KCNMA1: variants seen among roughly 807,000 people sequenced by gnomAD.
KCNMA1 encodes the protein potassium calcium-activated channel subfamily M alpha 1.
In KCNMA1, 29 loss-of-function variants were observed where a neutral mutation model predicts 140.0. That is an observed-to-expected ratio of 0.21 (90% CI 0.15 to 0.28). The LOEUF is 0.28. Among genes scored for constraint, KCNMA1 ranks in the 10% least tolerant of loss-of-function variants. The pLI is 1.00. For synonymous variants in KCNMA1, 612 were observed against 611.9 expected (o/e 1.00, Z 0.00); for missense variants, 880 against 1,602.2 (o/e 0.55, Z 7.70).
At chr10:77,346,026 G>A (rs192900727) in intron 2 of KCNMA1, among the ~76,000 whole-genome samples, 4 of 152,310 alleles carry the variant, frequency 2.6e-5, no homozygotes, top group Admixed American at 1.3e-4. Flanking sequence ...TGAAAGAGAT[G>A]CTTCCCAGGA....
chr10:77,423,450 C>A (rs983513874), intron 1 of KCNMA1, among the ~76,000 whole-genome samples: 1 of 152,150 alleles, frequency 6.6e-6, no homozygotes, highest in African/African-American at 2.4e-5. Flanking sequence ...ATATGCCTCT[C>A]CTTTTGGAAA....
intron 14 of KCNMA1, among the ~76,000 whole-genome samples, chr10:77,057,740 T>C (rs1472659379): frequency 1.3e-5 from 2 of 151,704 alleles, no homozygotes; most frequent in African/African-American, 4.8e-5. Flanking sequence ...TTAAAAACTA[T>C]ATAAAGAAGT....
At chr10:77,483,111 A>G (rs2098420593) in intron 1 of KCNMA1, among the ~76,000 whole-genome samples, 1 of 151,914 alleles carries the variant, frequency 6.6e-6, no homozygotes, top group Non-Finnish European at 1.5e-5. Context: ...CCCAGTCAAC[A>G]TCCAACCAAT....
intron 2 of KCNMA1, among the ~76,000 whole-genome samples, chr10:77,348,887 C>A (rs1342692009): frequency 1.3e-5 from 2 of 152,042 alleles, no homozygotes; most frequent in Non-Finnish European, 2.9e-5. Context: ...GAATTCCTCA[C>A]AAAAGCCACA....
intron 2 of KCNMA1, among the ~76,000 whole-genome samples, chr10:77,379,204 C>T (rs1241558233): frequency 1.3e-5 from 2 of 152,160 alleles, no homozygotes; most frequent in East Asian, 1.9e-4. Context: ...GAATTCTGAG[C>T]CTTTTTCCCA....
chr10:77,439,167 GAA>G, intron 1 of KCNMA1, among the ~76,000 whole-genome samples: 1 of 150,020 alleles, frequency 6.7e-6, no homozygotes, highest in South Asian at 2.1e-4. Context: ...GAGAAGAAAA[GAA>G]AAGAGAAGAG....
chr10:77,032,122 G>T (rs2093978147), intron 15 of KCNMA1, among the ~76,000 whole-genome samples: 1 of 152,122 alleles, frequency 6.6e-6, no homozygotes, highest in South Asian at 2.1e-4. Context: ...ATGCCAAGAT[G>T]CAAGTCCAAT....
At chr10:77,029,723 G>C (rs1395103195) in intron 15 of KCNMA1, among the ~76,000 whole-genome samples, 1 of 152,194 alleles carries the variant, frequency 6.6e-6, no homozygotes, top group Non-Finnish European at 1.5e-5. Context: ...AGCATGATGA[G>C]AAGATATGGG....
At chr10:77,494,878 C>T (rs139406268) in intron 1 of KCNMA1, among the ~76,000 whole-genome samples, 2 of 152,330 alleles carry the variant, frequency 1.3e-5, no homozygotes, top group African/African-American at 4.8e-5. Flanking sequence ...CTTGTCCTTC[C>T]TTGGCTTACA....
intron 14 of KCNMA1, among the ~76,000 whole-genome samples, chr10:77,053,934 G>T (rs918382900): frequency 6.6e-6 from 1 of 152,122 alleles, no homozygotes; most frequent in African/African-American, 2.4e-5. Context: ...AGGTCTTACA[G>T]CAAATCGCGT....
intron 1 of KCNMA1, among the ~76,000 whole-genome samples, chr10:77,545,020 GAA>G (rs964499454): frequency 3.3e-4 from 50 of 152,270 alleles, no homozygotes; most frequent in African/African-American, 1.1e-3. Context: ...AATGTACCGA[GAA>G]GAGAGCATAT....
chr10:77,543,287 A>G (rs1273945823), intron 1 of KCNMA1, among the ~76,000 whole-genome samples: 1 of 152,194 alleles, frequency 6.6e-6, no homozygotes, highest in African/African-American at 2.4e-5. Context: ...TAATGCTCCC[A>G]GGCATCAGAA....
rs530472858 is a variant in KCNMA1 at position 77,256,343 on chromosome 10, C to G, written c.541-5087G>C. ...GTGGCTACCACCAGAATCCAGTCAC[C>G]TGAGGAGCTTTCCTTCCAAAGCAGA... On this transcript the variant is annotated intron_variant, in intron 2 of 27. Coordinates refer to ENST00000286628, the MANE Select transcript of KCNMA1 (RefSeq NM_001161352.2). Among the ~76,000 whole-genome samples the G allele has an allele frequency of 2.0e-5, 3 of 152,290 alleles. No individual in the cohort carries two copies. The South Asian group carries it at 6.2e-4, about 32-fold the overall frequency.
chr10:77,555,543 C>G (rs1241331796), intron 1 of KCNMA1, among the ~76,000 whole-genome samples: 1 of 152,166 alleles, frequency 6.6e-6, no homozygotes, highest in East Asian at 1.9e-4. Flanking sequence ...CTTGAAAACA[C>G]AGTTGTAAAA....
At position 77,215,945 on chromosome 10, in the gene KCNMA1, C is replaced by T. The variant is rs75528902; in HGVS notation, c.603-31029G>A. Among the ~76,000 whole-genome samples, 737 of 151,738 alleles carry T rather than the reference C, an allele frequency of 4.9e-3. 1 individual carries two copies. The highest frequency in any genetic ancestry group is 7.6e-3 in the Non-Finnish European group (518 of 67,934). On this transcript the variant is annotated intron_variant, in intron 3 of 27. Transcript: ENST00000286628. ...TCTCTCTCTCTGCCGTGTGAGGACA[C>T]AGCAAGAAGGTGGCCATCTGCAACC...
intron 1 of KCNMA1, among the ~76,000 whole-genome samples, chr10:77,554,896 C>T (rs1452336068): frequency 6.6e-6 from 1 of 152,136 alleles, no homozygotes; most frequent in East Asian, 1.9e-4. Context: ...TTACACAAGG[C>T]AGGTGAAGGG....
intron 23 of KCNMA1, among the ~76,000 whole-genome samples, chr10:76,928,124 CTT>C (rs1403705904): frequency 6.6e-6 from 1 of 152,000 alleles, no homozygotes; most frequent in Admixed American, 6.6e-5. Flanking sequence ...AAATTGCAAA[CTT>C]TATCTTTATT....
intron 3 of KCNMA1, among the ~76,000 whole-genome samples, chr10:77,248,938 T>A (rs1279995705): frequency 6.6e-6 from 1 of 152,176 alleles, no homozygotes; most frequent in East Asian, 1.9e-4. Flanking sequence ...GACAGAATCT[T>A]CGGATATGCT....
intron 1 of KCNMA1, among the ~76,000 whole-genome samples, chr10:77,611,741 C>G (rs867955856): frequency 7.0e-4 from 106 of 152,222 alleles, no homozygotes; most frequent in Admixed American, 3.0e-3. Flanking sequence ...TCCTATGTCC[C>G]TGTAATGGCA....
Sources: allele counts gnomAD v4.1 joint callset (sites outside exome capture counted in the v4.1 genomes callset), GRCh38; gene constraint gnomAD v4.1.1; transcripts MANE v1.5; gene names NCBI Gene and HGNC (gene_info 2026-07-23, HGNC 2026-07-21).